HAPSTR1: variants seen among roughly 807,000 people sequenced by gnomAD.
HAPSTR1 encodes the protein HUWE1 associated protein modifying stress responses.
chr16:9,109,401 C>T, the HAPSTR1 span: 1 of 152,188 alleles, frequency 6.6e-6, no homozygotes, highest in Non-Finnish European at 1.5e-5. Flanking sequence ...ATTCAAAGCC[C>T]CACTTTCACT....
chr16:9,097,335 C>T, the HAPSTR1 span, among the ~76,000 whole-genome samples: 4 of 151,942 alleles, frequency 2.6e-5, no homozygotes, highest in South Asian at 2.1e-4. Context: ...CTCCACCTTC[C>T]AGGCTCAAGT....
chr16:9,112,016 A>G, the HAPSTR1 span: 1 of 152,186 alleles, frequency 6.6e-6, no homozygotes, highest in Non-Finnish European at 1.5e-5. Flanking sequence ...ATAACTGAAA[A>G]TGTTTTCTTG....
At chr16:9,102,075 G>A in the HAPSTR1 span, among the ~76,000 whole-genome samples, 11 of 152,224 alleles carry the variant, frequency 7.2e-5, no homozygotes, top group East Asian at 1.9e-4. Flanking sequence ...TCGAGCCATC[G>A]CACTACAGCC....
the HAPSTR1 span, chr16:9,120,935 G>A: frequency 6.6e-6 from 1 of 152,026 alleles, no homozygotes; most frequent in Admixed American, 6.6e-5. Flanking sequence ...CTTGATGCAG[G>A]TTACAGATTT....
the HAPSTR1 span, among the ~76,000 whole-genome samples, chr16:9,098,444 A>G: frequency 6.6e-6 from 1 of 152,188 alleles, no homozygotes; most frequent in Non-Finnish European, 1.5e-5. Flanking sequence ...TTTGGATGCC[A>G]CTTCCTTAGG....
the HAPSTR1 span, chr16:9,107,302 C>CGCT: frequency 6.6e-6 from 1 of 152,220 alleles, no homozygotes; most frequent in African/African-American, 2.4e-5. Flanking sequence ...TAGAGCGATT[C>CGCT]CTTTTTCTGT....
chr16:9,102,989 G>A, the HAPSTR1 span: 19 of 1,613,584 alleles, frequency 1.2e-5, no homozygotes, highest in African/African-American at 4.0e-5. Flanking sequence ...AACAGAAAGC[G>A]TGGATACCCA....
chr16:9,104,752 G>A, the HAPSTR1 span: 1 of 152,208 alleles, frequency 6.6e-6, no homozygotes, highest in African/African-American at 2.4e-5. Context: ...GCAAAAATGG[G>A]ATTGATCTGT....
the HAPSTR1 span, chr16:9,103,512 T>C: frequency 0.021 from 9,467 of 448,250 alleles, 772 homozygotes; most frequent in African/African-American, 0.17. Flanking sequence ...CTTTCTGCAG[T>C]GTTGATTAGA....
the HAPSTR1 span, among the ~76,000 whole-genome samples, chr16:9,113,486 C>T: frequency 6.6e-6 from 1 of 152,144 alleles, no homozygotes; most frequent in African/African-American, 2.4e-5. Flanking sequence ...ACTTCTGATA[C>T]AGTGTTTTGA....
At chr16:9,099,675 A>G in the HAPSTR1 span, among the ~76,000 whole-genome samples, 1 of 152,154 alleles carries the variant, frequency 6.6e-6, no homozygotes, top group Non-Finnish European at 1.5e-5. Flanking sequence ...TTTTTCTGGG[A>G]TAGGTACCCG....
the HAPSTR1 span, chr16:9,117,991 C>T: frequency 6.6e-6 from 1 of 152,630 alleles, no homozygotes; most frequent in Non-Finnish European, 1.5e-5. Context: ...TTTGGAATCT[C>T]ATTCTGGAAA....
At chr16:9,093,025 C>A in the HAPSTR1 span, 2 of 1,596,444 alleles carry the variant, frequency 1.3e-6, no homozygotes, top group East Asian at 2.2e-5. Flanking sequence ...TGCTGCATTG[C>A]CGATTCAGGG....
chr16:9,092,167 G>A, the HAPSTR1 span: 1 of 1,571,892 alleles, frequency 6.4e-7, no homozygotes, highest in South Asian at 1.2e-5. Flanking sequence ...TGCCCCCCGA[G>A]CTGCAGGAGG....
At chr16:9,112,956 G>T in the HAPSTR1 span, 1 of 147,950 alleles carries the variant, frequency 6.8e-6, no homozygotes. Flanking sequence ...TTTTGAAAAA[G>T]TATGTTTTTG....
chr16:9,105,460 A>T, the HAPSTR1 span: 1 of 152,206 alleles, frequency 6.6e-6, no homozygotes, highest in African/African-American at 2.4e-5. Context: ...CTGGTTTGTG[A>T]GAACATCAGT....
At chr16:9,105,635 A>G in the HAPSTR1 span, 4 of 151,750 alleles carry the variant, frequency 2.6e-5, no homozygotes, top group South Asian at 4.1e-4. Flanking sequence ...CTCTTTTAAA[A>G]TGTATTTGGA....
the HAPSTR1 span, among the ~76,000 whole-genome samples, chr16:9,095,793 A>G: frequency 6.6e-6 from 1 of 152,234 alleles, no homozygotes; most frequent in Non-Finnish European, 1.5e-5. Context: ...ACAGAATTCA[A>G]TAAAATGGAG....
chr16:9,092,454 G>T, the HAPSTR1 span, among the ~76,000 whole-genome samples: 6 of 152,104 alleles, frequency 3.9e-5, no homozygotes, highest in Non-Finnish European at 7.4e-5. Context: ...GGAGGCCCGG[G>T]GTTGGGGGGA....
Sources: gnomAD v4.1 joint callset for allele counts (sites outside exome capture counted in the v4.1 genomes callset) on GRCh38, gnomAD v4.1.1 for gene constraint, MANE v1.5 for transcripts, NCBI Gene and HGNC (gene_info 2026-07-23, HGNC 2026-07-21) for gene names.